JMJD1C: variants seen among roughly 807,000 people sequenced by gnomAD.
JMJD1C encodes jumonji domain containing 1C, also known as jumonji domain-containing protein 1C.
In JMJD1C, 31 loss-of-function variants were observed where a neutral mutation model predicts 245.3. That is an observed-to-expected ratio of 0.13 (90% confidence interval 0.09 to 0.17). The LOEUF (loss-of-function observed/expected upper bound fraction) is 0.17. Among genes scored for constraint, JMJD1C ranks in the 10% least tolerant of loss-of-function variants. JMJD1C has a pLI of 1.00. For synonymous variants in JMJD1C, 1,057 were observed against 1,017.4 expected, an observed-to-expected ratio of 1.04 and a Z score of -0.74; for missense variants, 2,691 against 3,000.2, an observed-to-expected ratio of 0.90 and a Z score of 2.41.
intron 3 of JMJD1C, among the ~76,000 whole-genome samples, chr10:63,237,173 G>A (rs775824416): frequency 5.9e-5 from 9 of 152,046 alleles, no homozygotes; most frequent in Non-Finnish European, 8.8e-5. Context: ...GAGTAGCTGG[G>A]ATTACAGGTG....
intron 2 of JMJD1C, among the ~76,000 whole-genome samples, chr10:63,281,165 C>T (rs1199660822): frequency 7.1e-6 from 1 of 141,530 alleles, no homozygotes; most frequent in Non-Finnish European, 1.5e-5. Context: ...GAGTCTCGCT[C>T]GCTCTGTCGC....
rs746488540 is a variant in JMJD1C, at chr10:63,389,330, A to G, written c.169-8848T>C. Among the ~76,000 whole-genome samples the G allele has an allele frequency of 1.2e-3, 176 of 146,634 alleles. 5 individuals carry two copies. The highest frequency in any genetic ancestry group is 2.1e-3 in the African/African-American group (81 of 39,420). On this transcript the variant is annotated intron_variant, in intron 1 of 25. Coordinates refer to ENST00000399262, the MANE Select transcript of JMJD1C (RefSeq NM_032776.3). ...CTGTCTCAAAAAAAAAAAAAAAAAG[A>G]AAAAGAAAAAAGATCTAAATGGAGA...
At chr10:63,377,095 A>G (rs745658100) in intron 2 of JMJD1C, among the ~76,000 whole-genome samples, 19 of 152,228 alleles carry the variant, frequency 1.2e-4, no homozygotes, top group Non-Finnish European at 2.1e-4. Context: ...TTGCAATAAA[A>G]AGGAAGAAAA....
intron 1 of JMJD1C, among the ~76,000 whole-genome samples, chr10:63,460,046 C>G (rs1303792038): frequency 1.3e-5 from 2 of 152,188 alleles, no homozygotes; most frequent in Admixed American, 1.3e-4. Context: ...TGGAATCCCT[C>G]CGACTGGATC....
At chr10:63,469,451 TA>T (rs1336823847), upstream of JMJD1C, among the ~76,000 whole-genome samples, 1 of 152,172 alleles carries the variant, frequency 6.6e-6, no homozygotes, top group Non-Finnish European at 1.5e-5. Flanking sequence ...AAAAGTCACT[TA>T]AAAGAAACGT....
intron 1 of JMJD1C, among the ~76,000 whole-genome samples, chr10:63,516,515 ATCTAT>A (rs1351775518): frequency 6.6e-6 from 1 of 152,220 alleles, no homozygotes; most frequent in Non-Finnish European, 1.5e-5. Context: ...CCCTGATTTA[ATCTAT>A]TCTATTTTAA....
At chr10:63,426,764 G>GA (rs1950465261) in intron 1 of JMJD1C, among the ~76,000 whole-genome samples, 1 of 152,002 alleles carries the variant, frequency 6.6e-6, no homozygotes, top group Admixed American at 6.6e-5. Context: ...TGAAATATAT[G>GA]AAGTTTTTTC....
At chr10:63,283,334 T>G (rs1254328367) in intron 2 of JMJD1C, among the ~76,000 whole-genome samples, 4 of 151,616 alleles carry the variant, frequency 2.6e-5, no homozygotes, top group Non-Finnish European at 1.5e-5. Flanking sequence ...AAAGCTTCCC[T>G]GTATTAGCAA....
At chr10:63,479,522 A>G (rs1458279491) in intron 1 of JMJD1C, among the ~76,000 whole-genome samples, 1 of 152,240 alleles carries the variant, frequency 6.6e-6, no homozygotes, top group African/African-American at 2.4e-5. Context: ...ACCAGAAACA[A>G]AACAAGAACC....
chr10:63,239,673 T>C (rs1408249751), intron 3 of JMJD1C, among the ~76,000 whole-genome samples: 1 of 152,178 alleles, frequency 6.6e-6, no homozygotes, highest in Non-Finnish European at 1.5e-5. Flanking sequence ...CTCAAACTCT[T>C]GACCTCAGGT....
chr10:63,409,385 G>GA (rs1461291778), intron 1 of JMJD1C, among the ~76,000 whole-genome samples: 1 of 152,162 alleles, frequency 6.6e-6, no homozygotes, highest in Non-Finnish European at 1.5e-5. Flanking sequence ...TTTTTCCAAA[G>GA]AGATTTTCAG....
chr10:63,383,911 A>T (rs1185978676), intron 1 of JMJD1C, among the ~76,000 whole-genome samples: 3 of 152,132 alleles, frequency 2.0e-5, no homozygotes, highest in Non-Finnish European at 4.4e-5. Flanking sequence ...AGACAACAAA[A>T]GTTTGTCACA....
chr10:63,215,048 T>C lies in JMJD1C; in HGVS notation c.1119A>G (p.Ser373=), dbSNP rs752970915. The C allele has an allele frequency of 6.2e-7, 1 of 1,608,118 alleles. No individual in the cohort carries two copies. The highest frequency in any genetic ancestry group is 8.5e-7 in the Non-Finnish European group (1 of 1,177,774). The change falls in exon 8 of 26, where the codon TCA becomes TCG. Residue 373 remains serine (S), a synonymous_variant. Coordinates refer to ENST00000399262, the MANE Select transcript of JMJD1C (RefSeq NM_032776.3). The part of the protein sequence containing the change: ...NMKRLRTDNV[S]DFSESSDSEN... ...CTGAGTCACTGCTCTCAGAAAAGTC[T>C]GAAACATTGTCAGTTCGAAGTCTTT...
chr10:63,229,525 A>C (rs1440752915), intron 3 of JMJD1C, among the ~76,000 whole-genome samples: 1 of 152,178 alleles, frequency 6.6e-6, no homozygotes, highest in Non-Finnish European at 1.5e-5. Flanking sequence ...GATAATATAA[A>C]ATATGCTTAG....
upstream of JMJD1C, among the ~76,000 whole-genome samples, chr10:63,469,450 T>G (rs1953420637): frequency 6.6e-6 from 1 of 152,160 alleles, no homozygotes; most frequent in Non-Finnish European, 1.5e-5. Context: ...AAAAAGTCAC[T>G]TAAAAGAAAC....
chr10:63,450,964 T>C (rs780945724), intron 1 of JMJD1C, among the ~76,000 whole-genome samples: 10 of 149,122 alleles, frequency 6.7e-5, no homozygotes, highest in Middle Eastern at 3.5e-3. Context: ...TTCGGCAATG[T>C]TGCAGTATAC....
intron 22 of JMJD1C, among the ~76,000 whole-genome samples, chr10:63,178,484 T>C (rs1359205657): frequency 6.6e-6 from 1 of 152,156 alleles, no homozygotes; most frequent in Admixed American, 6.5e-5. Flanking sequence ...ACAAAGGTCT[T>C]TTATGCTCAC....
At chr10:63,382,175 C>A (rs1589632839) in intron 1 of JMJD1C, among the ~76,000 whole-genome samples, 1 of 152,180 alleles carries the variant, frequency 6.6e-6, no homozygotes, top group East Asian at 1.9e-4. Context: ...CAGGCCACTG[C>A]ACACCAGCCT....
At chr10:63,187,706 G>C (rs1027875179) in intron 18 of JMJD1C, among the ~76,000 whole-genome samples, 5 of 152,190 alleles carry the variant, frequency 3.3e-5, no homozygotes, top group Non-Finnish European at 7.3e-5. Context: ...CTCCCAAAAT[G>C]TTGGGATTAT....
Sources: gnomAD v4.1 joint callset for allele counts (sites outside exome capture counted in the v4.1 genomes callset) on GRCh38, gnomAD v4.1.1 for gene constraint, MANE v1.5 for transcripts, NCBI Gene and HGNC (gene_info 2026-07-23, HGNC 2026-07-21) for gene names.